Variants in SPAG16 observed in about 807,000 individuals in gnomAD.
The protein encoded by SPAG16 is sperm associated antigen 16, also known as sperm-associated antigen 16 protein.
In SPAG16, 86 loss-of-function variants were observed where a neutral mutation model predicts 80.4. The ratio of observed to expected loss-of-function variants is 1.07; its 90% confidence interval spans 0.90 to 1.28. The LOEUF is 1.28. Ranked by LOEUF, SPAG16 falls within the 50% of genes most tolerant of loss-of-function variation. The probability of loss-of-function intolerance (pLI) is 0.00; values close to 1 mark genes in which losing one functional copy is unlikely to be tolerated. For synonymous variants in SPAG16, 294 were observed against 265.9 expected, an observed-to-expected ratio of 1.11 and a Z score of -1.03; for missense variants, 870 against 765.3, an observed-to-expected ratio of 1.14 and a Z score of -1.61.
At chr2:214,236,511 G>T (rs1241320793) in intron 15 of SPAG16, among the ~76,000 whole-genome samples, 1 of 152,044 alleles carries the variant, frequency 6.6e-6, no homozygotes, top group Non-Finnish European at 1.5e-5. Flanking sequence ...AATTAGCCGG[G>T]CATGGGGGCG....
chr2:213,831,671 C>A (rs1024050115), intron 10 of SPAG16, among the ~76,000 whole-genome samples: 1 of 152,100 alleles, frequency 6.6e-6, no homozygotes, highest in Non-Finnish European at 1.5e-5. Context: ...CTAAAGCCTG[C>A]AAATCCCCTT....
chr2:214,150,347 A>G (rs1000154024), intron 15 of SPAG16, among the ~76,000 whole-genome samples: 2 of 152,158 alleles, frequency 1.3e-5, no homozygotes, highest in South Asian at 2.1e-4. Flanking sequence ...TGGCATATGA[A>G]CCACACTAGT....
chr2:213,824,818 C>A (rs1245591480), intron 10 of SPAG16, among the ~76,000 whole-genome samples: 1 of 152,086 alleles, frequency 6.6e-6, no homozygotes, highest in Non-Finnish European at 1.5e-5. Flanking sequence ...CCATAGATTT[C>A]TTTGGGTAAT....
In SPAG16 at chr2:214,142,460, T is replaced by C. The variant is rs538010643; in HGVS notation, c.1594-6680T>C. Among the ~76,000 whole-genome samples, 7 of 152,330 alleles carry C rather than the reference T, an allele frequency of 4.6e-5. No homozygotes were observed. The East Asian group carries it at 1.4e-3, about 29-fold the overall frequency. On this transcript the variant is annotated intron_variant, in intron 14 of 15. Transcript: ENST00000331683. ...ATGGAAAATTTTTGGTAGCTTCTTT[T>C]GAGTAAGTAAAAGGTCTGATCATCT...
intron 10 of SPAG16, among the ~76,000 whole-genome samples, chr2:213,852,671 G>T (rs1036466303): frequency 1.3e-5 from 2 of 152,066 alleles, no homozygotes; most frequent in East Asian, 3.9e-4. Context: ...TGTTTTCAAT[G>T]TGGGCTCCCC....
At chr2:213,787,392 C>A (rs1343958189) in intron 10 of SPAG16, among the ~76,000 whole-genome samples, 1 of 151,918 alleles carries the variant, frequency 6.6e-6, no homozygotes, top group Non-Finnish European at 1.5e-5. Flanking sequence ...GAATTTTTAC[C>A]TTATTCTAAG....
intron 1 of SPAG16, 172 bp from the exon 2 acceptor site, chr2:213,295,892 T>C (rs936603797): frequency 1.3e-5 from 6 of 452,468 alleles, no homozygotes; most frequent in Non-Finnish European, 2.4e-5. Flanking sequence ...TTTAAATATC[T>C]AGATTTATAG....
At chr2:214,000,489 C>A (rs1456272234) in intron 12 of SPAG16, among the ~76,000 whole-genome samples, 1 of 152,100 alleles carries the variant, frequency 6.6e-6, no homozygotes, top group Non-Finnish European at 1.5e-5. Flanking sequence ...AATGGTGTCT[C>A]TTCAGAGAAC....
intron 15 of SPAG16, among the ~76,000 whole-genome samples, chr2:214,179,670 T>C (rs973977073): frequency 5.3e-5 from 8 of 151,484 alleles, no homozygotes. Context: ...ATAGAATAGA[T>C]ATGAATGTGC....
chr2:213,608,965 G>A (rs551900632), intron 10 of SPAG16, among the ~76,000 whole-genome samples: 1 of 152,240 alleles, frequency 6.6e-6, no homozygotes, highest in Non-Finnish European at 1.5e-5. Context: ...TTACAGGCGT[G>A]AGCCATCGCA....
At chr2:213,887,378 G>A (rs1168406457) in intron 11 of SPAG16, among the ~76,000 whole-genome samples, 1 of 151,572 alleles carries the variant, frequency 6.6e-6, no homozygotes, top group African/African-American at 2.4e-5. Context: ...TGACATTTTT[G>A]TAGACTACTG....
intron 9 of SPAG16, among the ~76,000 whole-genome samples, chr2:213,380,625 A>ATGTT (rs2067122405): frequency 6.6e-6 from 1 of 152,216 alleles, no homozygotes; most frequent in Non-Finnish European, 1.5e-5. Flanking sequence ...TGGTGACTTG[A>ATGTT]TGACCCATAG....
intron 9 of SPAG16, among the ~76,000 whole-genome samples, chr2:213,412,480 C>T (rs917998255): frequency 2.7e-4 from 41 of 152,298 alleles, no homozygotes; most frequent in African/African-American, 9.9e-4. Flanking sequence ...GGCATTGTTA[C>T]TCTAAAGAGC....
chr2:214,059,092 T>A (rs2050093953), intron 13 of SPAG16, among the ~76,000 whole-genome samples: 1 of 150,868 alleles, frequency 6.6e-6, no homozygotes, highest in Admixed American at 6.6e-5. Context: ...CAAGAGAATC[T>A]CTTGAACCCA....
rs116437736 is a variant in SPAG16, at chr2:213,959,102, A to G, written c.1400+28957A>G. On this transcript the variant is annotated intron_variant, in intron 12 of 15. Transcript: ENST00000331683. ...TGCATCACTGCCTTCTGGCTTCCAT[A>G]GTTTTTGATGAGAATCTGATGGTAA... is the stretch of plus-strand genomic sequence containing the variant. Among the ~76,000 whole-genome samples the G allele has an allele frequency of 4.0e-3, 609 of 152,196 alleles. 3 individuals carry two copies. Among genetic ancestry groups the G allele is most frequent in the African/African-American group, 0.013 (541 of 41,522 alleles).
At chr2:213,904,221 A>T (rs2077340655) in intron 11 of SPAG16, among the ~76,000 whole-genome samples, 1 of 152,130 alleles carries the variant, frequency 6.6e-6, no homozygotes, top group Admixed American at 6.6e-5. Flanking sequence ...ATACCAATTT[A>T]CTGTATCAGT....
chr2:214,099,712 G>A (rs2052861089), intron 13 of SPAG16, among the ~76,000 whole-genome samples: 1 of 151,970 alleles, frequency 6.6e-6, no homozygotes, highest in Non-Finnish European at 1.5e-5. Context: ...TTTCATTGGA[G>A]AGTGTTTTGT....
intron 10 of SPAG16, among the ~76,000 whole-genome samples, chr2:213,860,459 A>ATATATAT (rs2075394719): frequency 8.5e-6 from 1 of 117,716 alleles, no homozygotes; most frequent in Admixed American, 9.0e-5. Context: ...GTATATATAT[A>ATATATAT]CAGATATATC....
intron 10 of SPAG16, among the ~76,000 whole-genome samples, chr2:213,612,807 C>A (rs1056834706): frequency 6.6e-6 from 1 of 152,090 alleles, no homozygotes; most frequent in Admixed American, 6.5e-5. Flanking sequence ...CCTTAGCCTC[C>A]CGAGTAGCTG....
Sources: allele counts gnomAD v4.1 joint callset (sites outside exome capture counted in the v4.1 genomes callset), GRCh38; gene constraint gnomAD v4.1.1; transcripts MANE v1.5; gene names NCBI Gene and HGNC (gene_info 2026-07-23, HGNC 2026-07-21).